The following OGFOD3 variants were observed in gnomAD, a reference collection of about 807,000 sequenced individuals.
OGFOD3 encodes 2-oxoglutarate and iron-dependent oxygenase domain-containing protein 3.
In OGFOD3, 35 loss-of-function variants were observed where a neutral mutation model predicts 39.8. The ratio of observed to expected loss-of-function variants is 0.88; its 90% CI spans 0.67 to 1.17. OGFOD3 has a LOEUF of 1.17. Among genes scored for constraint, OGFOD3 ranks in the 50% most tolerant of loss-of-function variants. The pLI is 0.00. For missense variants in OGFOD3, 438 were observed against 454.5 expected (o/e 0.96, Z 0.33); for synonymous variants, 200 against 192.0 (o/e 1.04, Z -0.34).
Position 82,415,318 on chromosome 17 carries a change from C to A in OGFOD3, c.304+80G>T. On this transcript the variant is annotated intron_variant, in intron 2 of 8. Transcript: ENST00000313056. The surrounding 1 kb of genome is among the most constrained non-coding windows in gnomAD (Gnocchi z 5.3). ...TACCCCCAAGCATACCACATCCAACCCAATTCCCACCCCTTCGTCGCAGCC... is the reference window on the plus strand; with the variant it reads ...TACCCCCAAGCATACCACATCCAACACAATTCCCACCCCTTCGTCGCAGCC... The A allele has an allele frequency of 7.1e-7, 1 of 1,406,968 alleles. No individual in the cohort carries two copies. Among genetic ancestry groups the A allele is most frequent in the South Asian group, 1.3e-5 (1 of 78,660 alleles). The allele number at this position is 1,406,968 out of a possible 1,614,324, so 87.2% of individuals were successfully genotyped here. A position where few individuals can be genotyped will look rare whatever the true frequency, so the allele number is the denominator to read the frequency against.
At chr17:82,402,302 G>T (rs1450575544) in intron 7 of OGFOD3, among the ~76,000 whole-genome samples, 1 of 151,900 alleles carries the variant, frequency 6.6e-6, no homozygotes, top group Non-Finnish European at 1.5e-5. Flanking sequence ...GGGCGTGGTG[G>T]TGCATGCCTG....
chr17:82,394,645 G>C, intron 8 of OGFOD3: 1 of 844,916 alleles, frequency 1.2e-6, no homozygotes, highest in Non-Finnish European at 1.8e-6. Context: ...CTTTGCCCCG[G>C]CTCCCAGGGG....
chr17:82,411,781 G>C (rs1344475112), intron 2 of OGFOD3: 2 of 510,628 alleles, frequency 3.9e-6, no homozygotes, highest in African/African-American at 2.0e-5. Context: ...CCCAAACCCT[G>C]GGAAAGTCAC....
In OGFOD3 at chr17:82,418,432, G is replaced by C; in HGVS notation, c.54C>G (p.Ala18=). Residue 18 remains alanine (A), a synonymous_variant, in exon 1 of 9, where the codon GCC becomes GCG. Transcript: ENST00000313056. ...ATKAPEGNGA[A]ERRNRSSTKK... ...GCTACCTGCTCCGGTTCCGGCGCTCGGCCGCTCCGTTGCCCTCGGGCGCCT... is the reference window on the plus strand; with the variant it reads ...GCTACCTGCTCCGGTTCCGGCGCTCCGCCGCTCCGTTGCCCTCGGGCGCCT... 1.4e-6 allele frequency: 2 copies of C among 1,478,938 alleles called. No homozygotes were observed. The highest frequency in any genetic ancestry group is 1.5e-5 in the African/African-American group (1 of 68,228). The allele number at this position is 1,478,938 out of a possible 1,614,324, so 91.6% of individuals were successfully genotyped here. A position where few individuals can be genotyped will look rare whatever the true frequency, so the allele number is the denominator to read the frequency against.
In OGFOD3 at chr17:82,415,274, G is replaced by A; in HGVS notation, c.304+124C>T. ...CAGACGTGGACTAGCCAGCCTGCAG[G>A]AGGGGAGAGGTTGTCTGCTACCCCC... On this transcript the variant is annotated intron_variant, in intron 2 of 8. Transcript: ENST00000313056. The surrounding 1 kb of genome is among the most constrained non-coding windows in gnomAD (Gnocchi z 5.3). The A allele has an allele frequency of 3.2e-6, 3 of 951,162 alleles. No individual in the cohort carries two copies. In the South Asian group the frequency reaches 4.5e-5, roughly 14 times the overall value. The allele number at this position is 951,162 out of a possible 1,614,324, so 58.9% of individuals were successfully genotyped here.
chr17:82,412,274 G>A (rs1306431054), intron 2 of OGFOD3, among the ~76,000 whole-genome samples: 3 of 151,820 alleles, frequency 2.0e-5, no homozygotes, highest in Non-Finnish European at 2.9e-5. Context: ...TGGGGGTCAG[G>A]GTGGTCGGGG....
chr17:82,404,212 G>T lies in OGFOD3; in HGVS notation c.546-122C>A. On this transcript the variant is annotated intron_variant, in intron 6 of 8. Transcript: ENST00000313056. The surrounding 1 kb of genome is among the most constrained non-coding windows in gnomAD (Gnocchi z 4.5). ...ACGGCTCCGGGCCCGCGGGGCGGGG[G>T]CTCCCAAGCACACCGGGAACAGATA... The T allele has an allele frequency of 8.8e-7, 1 of 1,135,800 alleles. No individual in the cohort carries two copies. The highest frequency in any genetic ancestry group is 1.2e-6 in the Non-Finnish European group (1 of 826,418). 70.4% of individuals were successfully genotyped at this position (1,135,800 alleles called of 1,614,324 possible).
chr17:82,405,467 C>T (rs902577318), intron 5 of OGFOD3, 87 bp from the exon 6 acceptor site: 1 of 1,140,850 alleles, frequency 8.8e-7, no homozygotes, highest in Non-Finnish European at 1.3e-6. Context: ...CCTCAAGTCC[C>T]TGAAAATCAA....
At position 82,398,206 on chromosome 17, in the gene OGFOD3, C is replaced by A. The variant is rs548604291; in HGVS notation, c.813G>T (p.Glu271Asp). ...GCCCGCGCCTCCTACCAGCTCTCGG[C>A]TCCACCGTCTTGTTGGCACCCTCCT... Reference protein sequence around the residue: ...FMEEGANKTVEPRAGRVSFFT... With the variant: ...FMEEGANKTVDPRAGRVSFFT... Residue 271 changes from glutamate (E) to aspartate (D), a missense_variant, in exon 8 of 9, where the codon GAG (glutamate) becomes GAT (aspartate). Transcript: ENST00000313056. 2 of 1,614,096 alleles carry A rather than the reference C, an allele frequency of 1.2e-6. No individual in the cohort carries two copies. The highest frequency in any genetic ancestry group is 4.5e-5 in the East Asian group (2 of 44,870).
intron 1 of OGFOD3, among the ~76,000 whole-genome samples, chr17:82,416,342 T>TG: frequency 6.6e-6 from 1 of 152,324 alleles, no homozygotes; most frequent in East Asian, 1.9e-4. Context: ...TGGGACAGGA[T>TG]GGGGTGCCCT....
chr17:82,418,369 T>G (rs1012273028), intron 1 of OGFOD3, 43 bp downstream of exon 1: 75 of 1,251,550 alleles, frequency 6.0e-5, no homozygotes, highest in Non-Finnish European at 7.6e-5. Flanking sequence ...TCCATGGCCC[T>G]GTCCGCCGCC....
intron 5 of OGFOD3, 137 bp from the exon 6 acceptor site, chr17:82,405,517 T>C: frequency 5.2e-6 from 4 of 767,498 alleles, no homozygotes; most frequent in East Asian, 5.3e-5. Context: ...CAATGATAAC[T>C]GCTATAAAGG....
chr17:82,418,179 C>A (rs1013533526), intron 1 of OGFOD3: 11 of 393,714 alleles, frequency 2.8e-5, no homozygotes, highest in Non-Finnish European at 5.0e-5. Flanking sequence ...TTTCTCCTGC[C>A]CCTCTGGGAT....
chr17:82,396,834 A>G (rs1028545281), intron 8 of OGFOD3: 1 of 152,276 alleles, frequency 6.6e-6, no homozygotes, highest in African/African-American at 2.4e-5. Flanking sequence ...CCCCTAATGC[A>G]GAGATGACTC....
intron 7 of OGFOD3, 101 bp from the exon 8 acceptor site, chr17:82,398,420 G>C: frequency 7.0e-7 from 1 of 1,425,286 alleles, no homozygotes; most frequent in Non-Finnish European, 9.5e-7. Flanking sequence ...TATTTTTTGA[G>C]ACAGAGTCTT....
chr17:82,418,488 G>T lies in OGFOD3; in HGVS notation c.-3C>A. ...GCGGCCCTCCGCTGAGGAGCCATCG[G>T]ACCAGGCCGCCGCGGAGCCGGGCCG... On this transcript the variant is annotated 5_prime_UTR_variant, in exon 1 of 9. Transcript: ENST00000313056. 1 of 1,412,504 alleles carries T rather than the reference G, an allele frequency of 7.1e-7. No individual in the cohort carries two copies. Among genetic ancestry groups the T allele is most frequent in the South Asian group, 1.4e-5 (1 of 70,040 alleles). The allele number at this position is 1,412,504 out of a possible 1,614,324, so 87.5% of individuals were successfully genotyped here. A position where few individuals can be genotyped will look rare whatever the true frequency, so the allele number is the denominator to read the frequency against.
intron 8 of OGFOD3, chr17:82,396,651 A>G (rs187915886): frequency 1.3e-4 from 20 of 152,342 alleles, no homozygotes; most frequent in Non-Finnish European, 2.8e-4. Flanking sequence ...TATGCTAAAA[A>G]GTTGTGTAAT....
rs2143247141 is a variant in OGFOD3 at position 82,404,794 on chromosome 17, G to A, written c.545+530C>T. On this transcript the variant is annotated intron_variant, in intron 6 of 8. Transcript: ENST00000313056. The surrounding 1 kb of genome is among the most constrained non-coding windows in gnomAD (Gnocchi z 4.5). Reference sequence around the variant, plus strand: ...CTTGTTCTGTCACCCAGGCTGGAGTGCAGTGGTGCAATCTCAGCTCACTGC... The same window carrying A: ...CTTGTTCTGTCACCCAGGCTGGAGTACAGTGGTGCAATCTCAGCTCACTGC... 6.8e-6 allele frequency among the ~76,000 whole-genome samples: 1 copy of A among 146,546 alleles called. No homozygotes were observed. Among genetic ancestry groups the A allele is most frequent in the South Asian group, 2.1e-4 (1 of 4,656 alleles).
intron 4 of OGFOD3, among the ~76,000 whole-genome samples, chr17:82,407,839 C>T (rs1440980883): frequency 6.6e-6 from 1 of 152,168 alleles, no homozygotes; most frequent in East Asian, 1.9e-4. Flanking sequence ...CCAAACCAAA[C>T]TGAAATAAAG....
Sources: gnomAD v4.1 joint callset for allele counts (sites outside exome capture counted in the v4.1 genomes callset) on GRCh38, gnomAD v4.1.1 for gene constraint, Gnocchi (gnomAD v3.1) non-coding constraint, MANE v1.5 for transcripts, NCBI Gene and HGNC (gene_info 2026-07-23, HGNC 2026-07-21) for gene names.